Variants in UNC13C observed in about 807,000 individuals in gnomAD.
UNC13C encodes protein unc-13 homolog C.
UNC13C carries 174 observed loss-of-function variants against 245.4 expected under a neutral mutation model. The observed-to-expected ratio is 0.71, with a 90% CI of 0.63 to 0.80. The LOEUF (loss-of-function observed/expected upper bound fraction) is 0.80, where lower values mean the gene tolerates loss of function less well. Ranked by LOEUF, UNC13C falls within the 30% of genes least tolerant of loss-of-function variation. The pLI, the probability that UNC13C is intolerant of heterozygous loss-of-function variation, is 0.00. For missense variants in UNC13C, 2,829 were observed against 2,602.9 expected (o/e 1.09, Z -1.89); for synonymous variants, 992 against 895.1 (o/e 1.11, Z -1.93).
chr15:53,981,622 T>TA (rs373526893), intron 1 of UNC13C, among the ~76,000 whole-genome samples: 4 of 151,918 alleles, frequency 2.6e-5, no homozygotes, highest in Admixed American at 6.6e-5. Context: ...TCTTCTAGCT[T>TA]AAAAAAAAGG....
At chr15:54,003,088 G>A (rs753077214) in intron 1 of UNC13C, among the ~76,000 whole-genome samples, 11 of 152,078 alleles carry the variant, frequency 7.2e-5, no homozygotes, top group East Asian at 3.9e-4. Context: ...TCTGAAGGCC[G>A]CAATTTTTGT....
the UNC13C span, among the ~76,000 whole-genome samples, chr15:53,943,648 T>A: frequency 1.3e-5 from 2 of 152,068 alleles, no homozygotes; most frequent in African/African-American, 4.8e-5. Flanking sequence ...CTTCCAGGGT[T>A]TTTTTCCCTA....
chr15:54,201,280 T>C (rs569418165), intron 4 of UNC13C, among the ~76,000 whole-genome samples: 14 of 151,930 alleles, frequency 9.2e-5, no homozygotes, highest in East Asian at 1.9e-4. Flanking sequence ...TTCCAAAAGA[T>C]GGAGAAAGAG....
chr15:54,337,443 C>A (rs1441852151), intron 16 of UNC13C, among the ~76,000 whole-genome samples: 1 of 152,122 alleles, frequency 6.6e-6, no homozygotes, highest in Admixed American at 6.6e-5. Context: ...CCTGAGCTCC[C>A]ATCCACAGTT....
chr15:54,074,579 T>C (rs1214509392), intron 2 of UNC13C, among the ~76,000 whole-genome samples: 1 of 152,206 alleles, frequency 6.6e-6, no homozygotes, highest in Admixed American at 6.5e-5. Context: ...GTAGTTCTCC[T>C]TGAAGAGGTC....
chr15:54,221,172 A>C (rs2035213687), intron 4 of UNC13C, among the ~76,000 whole-genome samples: 2 of 152,172 alleles, frequency 1.3e-5, no homozygotes, highest in Admixed American at 1.3e-4. Context: ...TTTTCGTGTC[A>C]GTTTATGAGG....
At chr15:54,333,569 A>ATATATATTT (rs2038496545) in intron 15 of UNC13C, among the ~76,000 whole-genome samples, 198 bp from the exon 16 acceptor site, 1 of 152,102 alleles carries the variant, frequency 6.6e-6, no homozygotes, top group African/African-American at 2.4e-5. Flanking sequence ...GCTTTCCAAG[A>ATATATATTT]GTAAAAATAT....
intron 2 of UNC13C, among the ~76,000 whole-genome samples, chr15:54,142,288 T>C (rs543715370): frequency 1.0e-3 from 152 of 152,144 alleles, no homozygotes; most frequent in Non-Finnish European, 1.2e-3. Flanking sequence ...CTGAAAACTG[T>C]AGACCAAGCA....
chr15:54,631,958 T>C (rs763886926), downstream of UNC13C: 2 of 152,196 alleles, frequency 1.3e-5, no homozygotes, highest in Non-Finnish European at 2.9e-5. Flanking sequence ...CCAGAAGCAA[T>C]GTATGAGAGT....
At chr15:54,042,922 T>G (rs1896875011) in intron 2 of UNC13C, among the ~76,000 whole-genome samples, 1 of 152,054 alleles carries the variant, frequency 6.6e-6, no homozygotes, top group East Asian at 1.9e-4. Context: ...TGAGCATCAA[T>G]GTTACGAAAG....
At chr15:54,352,998 G>T (rs2039018094) in intron 17 of UNC13C, among the ~76,000 whole-genome samples, 1 of 152,082 alleles carries the variant, frequency 6.6e-6, no homozygotes, top group South Asian at 2.1e-4. Flanking sequence ...CCAAGAGGAA[G>T]CATTCAAAAT....
At chr15:54,521,400 T>C (rs1244791970) in intron 24 of UNC13C, among the ~76,000 whole-genome samples, 1 of 152,304 alleles carries the variant, frequency 6.6e-6, no homozygotes, top group East Asian at 1.9e-4. Flanking sequence ...AAATTCACAC[T>C]AAAGATCTTT....
intron 19 of UNC13C, among the ~76,000 whole-genome samples, chr15:54,432,447 A>G (rs2040891023): frequency 2.0e-5 from 3 of 151,864 alleles, no homozygotes; most frequent in Admixed American, 6.6e-5. Context: ...TAAGAAACTC[A>G]CTCAAAACCG....
intron 17 of UNC13C, among the ~76,000 whole-genome samples, chr15:54,365,934 A>C: frequency 6.6e-6 from 1 of 152,180 alleles, no homozygotes; most frequent in Non-Finnish European, 1.5e-5. Flanking sequence ...ATCGTTTTCA[A>C]TTCTCCATCT....
chr15:54,469,437 G>A (rs1356501412), intron 19 of UNC13C, among the ~76,000 whole-genome samples: 2 of 151,334 alleles, frequency 1.3e-5, no homozygotes, highest in Admixed American at 6.6e-5. Context: ...TAATTGCTCT[G>A]GTTAGGACTT....
chr15:54,298,657 T>C (rs2037498007), intron 12 of UNC13C, among the ~76,000 whole-genome samples: 1 of 152,194 alleles, frequency 6.6e-6, no homozygotes, highest in Non-Finnish European at 1.5e-5. Context: ...AGTTCCCTTT[T>C]GTGTCTCAGT....
chr15:54,486,740 A>T (rs1336621978), intron 19 of UNC13C, among the ~76,000 whole-genome samples: 1 of 152,162 alleles, frequency 6.6e-6, no homozygotes, highest in Non-Finnish European at 1.5e-5. Context: ...TCTCTTTTTT[A>T]AAAATACCCT....
chr15:53,999,071 T>A (rs1894764362), intron 1 of UNC13C, among the ~76,000 whole-genome samples: 1 of 152,048 alleles, frequency 6.6e-6, no homozygotes, highest in Admixed American at 6.5e-5. Flanking sequence ...TCTTCTCTTG[T>A]AACATTTTTG....
chr15:54,554,533 T>C (rs1184202960), intron 28 of UNC13C, among the ~76,000 whole-genome samples: 1 of 152,068 alleles, frequency 6.6e-6, no homozygotes, highest in African/African-American at 2.4e-5. Context: ...ACGTGGGACT[T>C]TTCTTCTAAT....
Sources: gnomAD v4.1 joint callset for allele counts (sites outside exome capture counted in the v4.1 genomes callset) on GRCh38, gnomAD v4.1.1 for gene constraint, MANE v1.5 for transcripts, NCBI Gene and HGNC (gene_info 2026-07-23, HGNC 2026-07-21) for gene names.